DLGAP2: variants seen among roughly 807,000 people sequenced by gnomAD.
DLGAP2 encodes DLG associated protein 2.
A neutral mutation model predicts 100.3 loss-of-function variants in DLGAP2; 26 were observed. The observed-to-expected ratio is 0.26, with a 90% CI of 0.19 to 0.36. DLGAP2 has a LOEUF of 0.36. Ranked by LOEUF, DLGAP2 falls within the 10% of genes least tolerant of loss-of-function variation. DLGAP2 has a pLI of 1.00. For synonymous variants in DLGAP2, 886 were observed against 630.1 expected, an observed-to-expected ratio of 1.41 and a Z score of -6.08; for missense variants, 1,858 against 1,453.2, an observed-to-expected ratio of 1.28 and a Z score of -4.53.
At chr8:771,627 T>G (rs1821363215) in intron 1 of DLGAP2, among the ~76,000 whole-genome samples, 1 of 152,228 alleles carries the variant, frequency 6.6e-6, no homozygotes, top group Non-Finnish European at 1.5e-5. Context: ...AGAGTAATGG[T>G]CACGAGAGTG....
At chr8:739,918 C>T (rs1269244450) in intron 1 of DLGAP2, 5 of 152,228 alleles carry the variant, frequency 3.3e-5, no homozygotes, top group African/African-American at 9.7e-5. Flanking sequence ...CGGCCCTGTC[C>T]TCGGTTCTGT....
At position 760,796 on chromosome 8, in the gene DLGAP2, G is replaced by C. The variant is rs1419701901; in HGVS notation, c.18+22971G>C. ...GCATGCACCTGCTGCTTCCACAGGT[G>C]CTCGGCAGCGTCCCCCCACCCCTCC... On this transcript the variant is annotated intron_variant, in intron 1 of 14. Coordinates refer to ENST00000637795, the MANE Select transcript of DLGAP2 (RefSeq NM_001346810.2). 2.6e-5 allele frequency among the ~76,000 whole-genome samples: 4 copies of C among 152,162 alleles called. No homozygotes were observed. The East Asian group carries it at 7.7e-4, about 29-fold the overall frequency.
intron 9 of DLGAP2, 74 bp downstream of exon 9, chr8:1,668,752 C>T (rs1473264665): frequency 2.2e-6 from 3 of 1,334,372 alleles, no homozygotes; most frequent in African/African-American, 3.0e-5. Context: ...AGCCAAAACC[C>T]AACCAGCGGC....
At chr8:1,048,208 A>T (rs2129032278) in intron 2 of DLGAP2, among the ~76,000 whole-genome samples, 1 of 152,314 alleles carries the variant, frequency 6.6e-6, no homozygotes, top group African/African-American at 2.4e-5. Flanking sequence ...AAGAGCACGT[A>T]GATCGCTCAG....
At chr8:1,496,455 G>T (rs1384967545) in intron 3 of DLGAP2, among the ~76,000 whole-genome samples, 1 of 152,148 alleles carries the variant, frequency 6.6e-6, no homozygotes, top group Non-Finnish European at 1.5e-5. Context: ...GGCCTCTGAG[G>T]ACCGGTTCTG....
At chr8:1,235,112 A>T (rs370966871) in intron 2 of DLGAP2, among the ~76,000 whole-genome samples, 6 of 18,948 alleles carry the variant, frequency 3.2e-4, no homozygotes, top group Non-Finnish European at 5.5e-4. Context: ...TAGTTCTCTC[A>T]CACATGGCGT....
chr8:1,377,710 C>G (rs1235567455), intron 3 of DLGAP2, among the ~76,000 whole-genome samples: 1 of 152,310 alleles, frequency 6.6e-6, no homozygotes, highest in East Asian at 1.9e-4. Flanking sequence ...GTGCAGCTCC[C>G]TCCTGTCTCC....
intron 1 of DLGAP2, among the ~76,000 whole-genome samples, chr8:885,656 T>A (rs1797908134): frequency 6.6e-6 from 1 of 152,234 alleles, no homozygotes. Context: ...CTTCTAATAC[T>A]ATTTGAATAA....
In DLGAP2 at chr8:1,283,855, C is replaced by T. The variant is rs184094964; in HGVS notation, c.106+24972C>T. Among the ~76,000 whole-genome samples the T allele has an allele frequency of 6.6e-5, 10 of 152,274 alleles. No individual in the cohort carries two copies. In the East Asian group the frequency reaches 1.2e-3, roughly 18 times the overall value. Reference sequence around the variant, plus strand: ...CTTAAAGTATGAGAGTAAACTACATCGTTCGTGGGATACAATCACACATAG... The same window carrying T: ...CTTAAAGTATGAGAGTAAACTACATTGTTCGTGGGATACAATCACACATAG... On this transcript the variant is annotated intron_variant, in intron 3 of 14. Transcript: ENST00000637795.
chr8:960,355 C>T (rs1402498067), intron 2 of DLGAP2, among the ~76,000 whole-genome samples: 2 of 150,078 alleles, frequency 1.3e-5, no homozygotes, highest in East Asian at 2.0e-4. Flanking sequence ...CGTGCCTCAG[C>T]CTCCAGAGTA....
At chr8:921,300 C>T (rs1483616620) in intron 2 of DLGAP2, among the ~76,000 whole-genome samples, 2 of 152,198 alleles carry the variant, frequency 1.3e-5, no homozygotes, top group African/African-American at 4.8e-5. Flanking sequence ...GACCCGTCCT[C>T]CCTGTTGCAG....
chr8:970,762 G>A (rs937065687), intron 2 of DLGAP2, among the ~76,000 whole-genome samples: 3 of 152,126 alleles, frequency 2.0e-5, no homozygotes, highest in Non-Finnish European at 2.9e-5. Flanking sequence ...GGGTGATAGA[G>A]ACTTGAGCTG....
chr8:1,352,480 A>G (rs1249578676), intron 3 of DLGAP2, among the ~76,000 whole-genome samples: 1 of 152,110 alleles, frequency 6.6e-6, no homozygotes, highest in Admixed American at 6.5e-5. Flanking sequence ...ATCACTTCCT[A>G]AAAACTCTTC....
chr8:1,008,937 T>G (rs1053089109), intron 2 of DLGAP2, among the ~76,000 whole-genome samples: 3 of 152,192 alleles, frequency 2.0e-5, no homozygotes, highest in African/African-American at 4.8e-5. Flanking sequence ...TGGAGTCAGG[T>G]CAGCAGCACC....
intron 2 of DLGAP2, among the ~76,000 whole-genome samples, chr8:948,727 C>T (rs1799397135): frequency 6.6e-6 from 1 of 152,274 alleles, no homozygotes; most frequent in African/African-American, 2.4e-5. Flanking sequence ...GGCCACCCTT[C>T]TCACTGCCCC....
At chr8:1,440,697 G>C (rs57068990) in intron 3 of DLGAP2, among the ~76,000 whole-genome samples, 3 of 152,228 alleles carry the variant, frequency 2.0e-5, no homozygotes, top group Admixed American at 2.0e-4. Flanking sequence ...TCTGGGTCCT[G>C]AAGGGCCCTT....
At chr8:1,226,965 G>C (rs537181916) in intron 2 of DLGAP2, among the ~76,000 whole-genome samples, 18 of 151,582 alleles carry the variant, frequency 1.2e-4, no homozygotes, top group African/African-American at 4.1e-4. Flanking sequence ...CCTAAGGAAA[G>C]TAAAAATAGA....
chr8:1,344,959 A>C (rs778389020), intron 3 of DLGAP2, among the ~76,000 whole-genome samples: 49 of 152,228 alleles, frequency 3.2e-4, no homozygotes, highest in Non-Finnish European at 1.0e-4. Flanking sequence ...ACCAGGCACT[A>C]CCAGAGGGCT....
chr8:1,075,915 C>A lies in DLGAP2; in HGVS notation c.73+167949C>A, dbSNP rs6559211. Among the ~76,000 whole-genome samples the A allele has an allele frequency of 4.3e-3, 658 of 151,726 alleles. 6 individuals carry two copies. The highest frequency in any genetic ancestry group is 5.2e-3 in the Non-Finnish European group (353 of 67,984). On this transcript the variant is annotated intron_variant, in intron 2 of 14. Transcript: ENST00000637795. Reference sequence around the variant, plus strand: ...GACCTCATCTCAAAAAAAATAAAAACAAAAAAAAAGAAAAAAGACCCGAAA... The same window carrying A: ...GACCTCATCTCAAAAAAAATAAAAAAAAAAAAAAAGAAAAAAGACCCGAAA...
Sources: gnomAD v4.1 joint callset for allele counts (sites outside exome capture counted in the v4.1 genomes callset) on GRCh38, gnomAD v4.1.1 for gene constraint, MANE v1.5 for transcripts, NCBI Gene and HGNC (gene_info 2026-07-23, HGNC 2026-07-21) for gene names.